VGLL4: variants seen among roughly 807,000 people sequenced by gnomAD.
VGLL4 encodes the protein transcription cofactor vestigial-like protein 4.
A neutral mutation model predicts 21.0 loss-of-function variants in VGLL4; 7 were observed. That is an observed-to-expected ratio of 0.33 (90% CI 0.19 to 0.63). The LOEUF (loss-of-function observed/expected upper bound fraction) is 0.63. VGLL4 is among the 20% of genes least tolerant of loss of function. The pLI, the probability that VGLL4 is intolerant of heterozygous loss-of-function variation, is 0.78. For missense variants in VGLL4, 394 were observed against 425.7 expected, an observed-to-expected ratio of 0.93 and a Z score of 0.66; for synonymous variants, 222 against 173.2, an observed-to-expected ratio of 1.28 and a Z score of -2.21.
At chr3:11,660,674 TTTTTG>T (rs201420721) in intron 2 of VGLL4, among the ~76,000 whole-genome samples, 126 of 152,328 alleles carry the variant, frequency 8.3e-4, no homozygotes, top group African/African-American at 2.9e-3. Flanking sequence ...GTTGTTGTTG[TTTTTG>T]TTTTGTTTTG....
intron 2 of VGLL4, among the ~76,000 whole-genome samples, chr3:11,657,902 C>T (rs539322921): frequency 6.6e-6 from 1 of 152,206 alleles, no homozygotes; most frequent in African/African-American, 2.4e-5. Context: ...CCCTCTTCTC[C>T]ATTTTCTCAG....
intron 1 of VGLL4, among the ~76,000 whole-genome samples, chr3:11,704,308 G>A (rs1575547003): frequency 1.3e-5 from 2 of 149,894 alleles, no homozygotes; most frequent in Admixed American, 6.7e-5. Context: ...GCTTGTACCC[G>A]GGAGGCAGAG....
intron 1 of VGLL4, among the ~76,000 whole-genome samples, chr3:11,618,118 C>T (rs2574723): frequency 0.42 from 63,711 of 151,886 alleles, 14,933 homozygotes; most frequent in South Asian, 0.61. Flanking sequence ...ATCTGAATAC[C>T]GATGTTTAAA....
chr3:11,576,692 C>A (rs770790436), intron 2 of VGLL4, among the ~76,000 whole-genome samples: 1 of 152,214 alleles, frequency 6.6e-6, no homozygotes, highest in Non-Finnish European at 1.5e-5. Context: ...TCAACCCAGA[C>A]GTCCTGTTCT....
rs1257829997 is a variant in VGLL4 at position 11,653,086 on chromosome 3, G to T, written c.64+49885C>A. On this transcript the variant is annotated intron_variant, in intron 2 of 5. Coordinates refer to the VGLL4 transcript ENST00000273038. The surrounding 1 kb of genome is among the most constrained non-coding windows in gnomAD (Gnocchi z 4.2). Reference sequence around the variant, plus strand: ...ATGTCCCAAATATTCAACAACTGAAGGGCTAAGTTCGCTGCTAGCCCCAAT... The same window carrying T: ...ATGTCCCAAATATTCAACAACTGAATGGCTAAGTTCGCTGCTAGCCCCAAT... 6.6e-6 allele frequency among the ~76,000 whole-genome samples: 1 copy of T among 152,160 alleles called. No individual in the cohort carries two copies. The highest frequency in any genetic ancestry group is 1.5e-5 in the Non-Finnish European group (1 of 68,034).
intron 1 of VGLL4, among the ~76,000 whole-genome samples, chr3:11,641,579 C>T (rs2075688687): frequency 2.0e-5 from 3 of 152,180 alleles, no homozygotes; most frequent in Admixed American, 1.3e-4. Context: ...ACTATAAACA[C>T]CACTCAAATT....
intron 1 of VGLL4, among the ~76,000 whole-genome samples, chr3:11,637,587 T>C (rs2075612605): frequency 6.6e-6 from 1 of 152,228 alleles, no homozygotes; most frequent in South Asian, 2.1e-4. Context: ...ATGATTCACA[T>C]TGATAGGATT....
rs181741771 is a variant in VGLL4, at chr3:11,709,078, T to C, written c.-13-6031A>G. Among the ~76,000 whole-genome samples the C allele has an allele frequency of 1.7e-3, 250 of 150,604 alleles. 3 individuals are homozygous for C. Among genetic ancestry groups the C allele is most frequent in the African/African-American group, 5.9e-3 (242 of 41,022 alleles). On this transcript the variant is annotated intron_variant, in intron 1 of 5. Transcript: ENST00000273038. The stretch of plus-strand genomic sequence containing the variant: ...TCCATCTCAAAAATAATAATAATAA[T>C]AATCCATTGAAATGCTGACACCTGG...
chr3:11,713,275 A>C (rs1392572153), intron 1 of VGLL4, among the ~76,000 whole-genome samples: 1 of 152,178 alleles, frequency 6.6e-6, no homozygotes, highest in Non-Finnish European at 1.5e-5. Context: ...GCCCTTATTC[A>C]AAATATTCTC....
intron 1 of VGLL4, among the ~76,000 whole-genome samples, chr3:11,632,514 G>GA (rs949493550): frequency 2.0e-5 from 3 of 151,934 alleles, no homozygotes; most frequent in Admixed American, 1.3e-4. Flanking sequence ...ACAGATCAAG[G>GA]AAAAAAATCC....
At chr3:11,702,883 T>C in intron 2 of VGLL4, 2 of 1,273,154 alleles carry the variant, frequency 1.6e-6, no homozygotes, top group Middle Eastern at 2.0e-4. Flanking sequence ...CAGAAAACCA[T>C]GTAGAGAAGC....
chr3:11,559,985 G>T (rs2072827663), intron 3 of VGLL4, among the ~76,000 whole-genome samples: 1 of 152,152 alleles, frequency 6.6e-6, no homozygotes, highest in African/African-American at 2.4e-5. Context: ...GAGGAAATAT[G>T]CCTAAGTGTG....
At chr3:11,602,114 A>G in intron 1 of VGLL4, 92 bp from the exon 2 acceptor site, 1 of 1,262,814 alleles carries the variant, frequency 7.9e-7, no homozygotes, top group Non-Finnish European at 1.0e-6. Context: ...AGCCCCTTAC[A>G]AAACTACTCC....
chr3:11,631,732 A>G (rs980059395), intron 1 of VGLL4, among the ~76,000 whole-genome samples: 4 of 151,966 alleles, frequency 2.6e-5, no homozygotes, highest in Admixed American at 2.0e-4. Flanking sequence ...ACATGGGGGG[A>G]AAAATTTACA....
chr3:11,704,525 C>T (rs2076732776), intron 1 of VGLL4, among the ~76,000 whole-genome samples: 1 of 150,778 alleles, frequency 6.6e-6, no homozygotes. Context: ...AGCCCAGTAG[C>T]TGCCTTCGAG....
intron 2 of VGLL4, among the ~76,000 whole-genome samples, chr3:11,676,394 C>CAAAAAAAAAAA (rs1219773138): frequency 4.6e-4 from 25 of 54,304 alleles, no homozygotes; most frequent in African/African-American, 1.1e-3. Context: ...GACTCTGTCT[C>CAAAAAAAAAAA]AAAAAAAAAA....
At chr3:11,578,798 G>A (rs1446644967) in intron 2 of VGLL4, among the ~76,000 whole-genome samples, 1 of 131,104 alleles carries the variant, frequency 7.6e-6, no homozygotes, top group Non-Finnish European at 1.5e-5. Flanking sequence ...CACCCAGGCT[G>A]GAGTGCAGTG....
intron 2 of VGLL4, among the ~76,000 whole-genome samples, chr3:11,689,388 G>A (rs942232173): frequency 1.3e-5 from 2 of 152,176 alleles, no homozygotes; most frequent in South Asian, 4.1e-4. Flanking sequence ...CTTCCAGACC[G>A]CTAATTTGGT....
chr3:11,669,094 C>T (rs570402305), intron 2 of VGLL4, among the ~76,000 whole-genome samples: 2 of 152,348 alleles, frequency 1.3e-5, no homozygotes, highest in Admixed American at 1.3e-4. Flanking sequence ...GGGGCAGAAC[C>T]ATAGATCCTT....
Sources: gnomAD v4.1 joint callset for allele counts (sites outside exome capture counted in the v4.1 genomes callset) on GRCh38, gnomAD v4.1.1 for gene constraint, Gnocchi (gnomAD v3.1) non-coding constraint, MANE v1.5 for transcripts, NCBI Gene and HGNC (gene_info 2026-07-23, HGNC 2026-07-21) for gene names.